The following ATRX variants were observed in gnomAD, a reference collection of about 807,000 sequenced individuals.
ATRX encodes the protein chromatin remodeler ATRX.
Under a neutral mutation model 172.6 loss-of-function variants are expected in ATRX, and 12 were observed. That is an observed-to-expected ratio of 0.07 (90% CI 0.04 to 0.11). The LOEUF is 0.11. Among genes scored for constraint, ATRX ranks in the 10% least tolerant of loss-of-function variants. The pLI is 1.00. For synonymous variants in ATRX, 674 were observed against 594.7 expected, an observed-to-expected ratio of 1.13 and a Z score of -1.94; for missense variants, 1,368 against 1,767.4, an observed-to-expected ratio of 0.77 and a Z score of 4.05.
chrX:77,606,778 A>C (rs1489349312), intron 22 of ATRX, among the ~76,000 whole-genome samples: 2 of 101,816 alleles, frequency 2.0e-5, no homozygotes, highest in South Asian at 4.3e-4. Context: ...AAAAAAACCC[A>C]CACACACACA....
intron 28 of ATRX, among the ~76,000 whole-genome samples, chrX:77,571,750 A>G (rs1178049672): frequency 9.0e-6 from 1 of 111,522 alleles, no homozygotes; most frequent in Non-Finnish European, 1.9e-5. Context: ...AAATTAGGTA[A>G]AGGGTTCACA....
chrX:77,712,021 A>C, intron 2 of ATRX, among the ~76,000 whole-genome samples: 1 of 111,842 alleles, frequency 8.9e-6, no homozygotes. Flanking sequence ...GTTTTCGTGC[A>C]ATCTGGTTTT....
intron 19 of ATRX, among the ~76,000 whole-genome samples, chrX:77,630,407 A>G (rs1440930317): frequency 8.9e-6 from 1 of 112,208 alleles, no homozygotes; most frequent in South Asian, 3.7e-4. Flanking sequence ...AATTCAAATG[A>G]AATTTCAAGG....
chrX:77,619,533 A>T (rs1557098773), intron 20 of ATRX, among the ~76,000 whole-genome samples: 1 of 111,486 alleles, frequency 9.0e-6, no homozygotes, highest in African/African-American at 3.3e-5. Context: ...TGTATTTTGT[A>T]AGACTAACCC....
At chrX:77,751,012 T>A (rs923151829) in intron 1 of ATRX, among the ~76,000 whole-genome samples, 2 of 112,012 alleles carry the variant, frequency 1.8e-5, no homozygotes, top group African/African-American at 6.5e-5. Context: ...GTCTTTATAG[T>A]AGAATGATTT....
At chrX:77,537,225 T>C (rs782065199) in intron 30 of ATRX, among the ~76,000 whole-genome samples, 20 of 111,728 alleles carry the variant, frequency 1.8e-4, no homozygotes, top group Middle Eastern at 4.2e-3. Context: ...AGTCTTCTGG[T>C]ATATAAAATG....
At chrX:77,605,142 C>T (rs781820834) in intron 22 of ATRX, among the ~76,000 whole-genome samples, 51 of 112,307 alleles carry the variant, frequency 4.5e-4, no homozygotes, top group Non-Finnish European at 7.7e-4. Context: ...TAAATTTATA[C>T]GAATAAAATT....
At chrX:77,774,578 G>A (rs1012159246) in intron 1 of ATRX, among the ~76,000 whole-genome samples, 1 of 110,737 alleles carries the variant, frequency 9.0e-6, no homozygotes, top group Non-Finnish European at 1.9e-5. Flanking sequence ...TCGGGAGGCT[G>A]AGGCAGGAGA....
chrX:77,629,087 A>G (rs1354951454), intron 19 of ATRX, among the ~76,000 whole-genome samples: 2 of 112,475 alleles, frequency 1.8e-5, no homozygotes, highest in African/African-American at 6.5e-5. Context: ...AGCCTACCTT[A>G]TAAGTTTACA....
intron 1 of ATRX, among the ~76,000 whole-genome samples, chrX:77,762,304 C>CAAAA (rs782237740): frequency 8.5e-5 from 2 of 23,398 alleles, no homozygotes; most frequent in Non-Finnish European, 1.6e-4. Flanking sequence ...GACTCTGTCT[C>CAAAA]AAAAAAAAAA....
intron 2 of ATRX, among the ~76,000 whole-genome samples, chrX:77,701,284 G>A (rs781839159): frequency 1.8e-5 from 2 of 111,062 alleles, no homozygotes; most frequent in Non-Finnish European, 3.8e-5. Flanking sequence ...GGCTGAGGTG[G>A]GCAGATCACC....
chrX:77,633,419 T>G, intron 18 of ATRX, 35 bp from the exon 19 acceptor site: 3 of 1,178,318 alleles, frequency 2.5e-6, no homozygotes, highest in Non-Finnish European at 3.4e-6. Flanking sequence ...TTTAAGTAGC[T>G]ACTAAAAACA....
intron 1 of ATRX, among the ~76,000 whole-genome samples, chrX:77,720,448 AAG>A (rs1557168226): frequency 1.8e-5 from 2 of 111,624 alleles, no homozygotes; most frequent in Non-Finnish European, 3.8e-5. Context: ...TAAAGAACAA[AAG>A]AGAGAAGAAT....
chrX:77,672,247 A>G (rs782742811), intron 10 of ATRX, among the ~76,000 whole-genome samples: 1 of 111,620 alleles, frequency 9.0e-6, no homozygotes, highest in South Asian at 3.7e-4. Context: ...ACAGAAAAAA[A>G]TTATTCCAAA....
chrX:77,526,169 C>T (rs1557043616), intron 30 of ATRX, among the ~76,000 whole-genome samples: 2 of 111,596 alleles, frequency 1.8e-5, no homozygotes, highest in African/African-American at 3.3e-5. Flanking sequence ...AGTGATGATT[C>T]TATCACACCA....
rs782517450 is a variant in ATRX at position 77,683,547 on chromosome X, T to C, written c.1709A>G (p.Asn570Ser). Residue 570 changes from asparagine (N) to serine (S), a missense_variant, in exon 9 of 35, where the codon AAC becomes AGC. Around this residue, in one of 17 missense-constraint regions of ATRX, gnomAD observed 843 missense variants for 643.1 expected, o/e 1.31. Coordinates refer to ENST00000373344, the MANE Select transcript of ATRX (RefSeq NM_000489.6). ...AGTTTTTGATTTAATACCTCCTCTGTTGTCTTTTGAAGAAATATTTAATTT... is the reference window on the plus strand; with the variant it reads ...AGTTTTTGATTTAATACCTCCTCTGCTGTCTTTTGAAGAAATATTTAATTT... ...SVKLNISSKD[N>S]RGGIKSKTTA... The C allele has an allele frequency of 8.3e-6, 10 of 1,208,239 alleles. No individual in the cohort carries two copies. Among genetic ancestry groups the C allele is most frequent in the Non-Finnish European group, 1.1e-5 (10 of 893,854 alleles).
chrX:77,553,676 T>C lies in ATRX; in HGVS notation c.6699+3775A>G, dbSNP rs1022745277. On this transcript the variant is annotated intron_variant, in intron 30 of 34. Coordinates refer to ENST00000373344, the MANE Select transcript of ATRX (RefSeq NM_000489.6). ...TGTGCTTCTTTTTTTCTATTCCCCA[T>C]CTTGAAAGGCCTTTTGCTCTTCTGC... Among the ~76,000 whole-genome samples the C allele has an allele frequency of 3.8e-4, 43 of 111,773 alleles. 1 individual carries two copies. Among genetic ancestry groups the C allele is most frequent in the African/African-American group, 1.4e-3 (43 of 30,763 alleles).
intron 1 of ATRX, among the ~76,000 whole-genome samples, chrX:77,770,759 AAT>A (rs1308946768): frequency 1.8e-5 from 2 of 112,479 alleles, no homozygotes; most frequent in Non-Finnish European, 3.7e-5. Flanking sequence ...TCCTGCTTTG[AAT>A]ATCAAGAATC....
At chrX:77,769,613 CA>C (rs2076091476) in intron 1 of ATRX, among the ~76,000 whole-genome samples, 1 of 111,246 alleles carries the variant, frequency 9.0e-6, no homozygotes, top group African/African-American at 3.3e-5. Context: ...TGGATTGCAA[CA>C]AACGGAAACA....
Sources: gnomAD v4.1 joint callset for allele counts (sites outside exome capture counted in the v4.1 genomes callset) on GRCh38, gnomAD v4.1.1 for gene constraint, gnomAD v4.1.1 regional missense constraint, MANE v1.5 for transcripts, NCBI Gene and HGNC (gene_info 2026-07-23, HGNC 2026-07-21) for gene names.